The following PCDH15 variants were observed in gnomAD, a reference collection of about 807,000 sequenced individuals.
PCDH15 encodes protocadherin-15.
Under a neutral mutation model 178.5 loss-of-function variants are expected in PCDH15, and 129 were observed. The ratio of observed to expected loss-of-function variants is 0.72; its 90% CI spans 0.63 to 0.84. The LOEUF is 0.84. Ranked by LOEUF, PCDH15 falls within the 40% of genes least tolerant of loss-of-function variation. PCDH15 has a pLI of 0.00. For synonymous variants in PCDH15, 800 were observed against 732.0 expected (o/e 1.09, Z -1.50); for missense variants, 2,230 against 2,099.9 (o/e 1.06, Z -1.21).
chr10:55,512,960 C>T (rs935796896), intron 2 of PCDH15: 1 of 152,076 alleles, frequency 6.6e-6, no homozygotes, highest in African/African-American at 2.4e-5. Context: ...TTACAGCAGC[C>T]TATTACCAAG....
intron 2 of PCDH15, among the ~76,000 whole-genome samples, chr10:55,570,457 G>T (rs1842387405): frequency 6.6e-6 from 1 of 151,818 alleles, no homozygotes; most frequent in Non-Finnish European, 1.5e-5. Context: ...TTAAATTTAA[G>T]TTAGAAAGAA....
chr10:54,435,715 A>G (rs2075334742), intron 3 of PCDH15, among the ~76,000 whole-genome samples: 1 of 152,148 alleles, frequency 6.6e-6, no homozygotes, highest in Non-Finnish European at 1.5e-5. Flanking sequence ...TCACGCCTGT[A>G]ATTTCAGCAC....
intron 1 of PCDH15, among the ~76,000 whole-genome samples, chr10:54,692,691 A>ATAACTCCAAACATCCCTGATTTAG (rs1555152855): frequency 6.8e-6 from 1 of 147,266 alleles, no homozygotes; most frequent in Non-Finnish European, 1.5e-5. Flanking sequence ...TTAAAAGCGA[A>ATAACTCCAAACATCCCTGATTTAG]TAACTCCAAA....
intron 1 of PCDH15, among the ~76,000 whole-genome samples, chr10:54,752,228 G>A (rs1391753551): frequency 1.3e-5 from 2 of 151,768 alleles, no homozygotes; most frequent in East Asian, 1.9e-4. Flanking sequence ...TGTAATCCCA[G>A]CACTTTGGGA....
At chr10:54,893,099 G>C (rs1364200299) in intron 3 of PCDH15, among the ~76,000 whole-genome samples, 1 of 151,900 alleles carries the variant, frequency 6.6e-6, no homozygotes, top group East Asian at 1.9e-4. Flanking sequence ...TTAGACACTG[G>C]GGTATATTAG....
intron 1 of PCDH15, among the ~76,000 whole-genome samples, chr10:55,267,487 C>G (rs1842330354): frequency 1.3e-5 from 2 of 152,062 alleles, no homozygotes; most frequent in South Asian, 4.2e-4. Context: ...TTATAAAAAC[C>G]AATTTGTCCT....
intron 3 of PCDH15, among the ~76,000 whole-genome samples, chr10:54,472,327 A>G (rs890703669): frequency 4.6e-5 from 7 of 152,108 alleles, no homozygotes; most frequent in African/African-American, 1.4e-4. Context: ...AAACTAGACA[A>G]ATTAGTCAGT....
chr10:54,043,989 A>G (rs1405712785), intron 18 of PCDH15, among the ~76,000 whole-genome samples: 1 of 152,074 alleles, frequency 6.6e-6, no homozygotes, highest in Non-Finnish European at 1.5e-5. Flanking sequence ...ACCAATAACT[A>G]AAGTCAAGTT....
intron 13 of PCDH15, among the ~76,000 whole-genome samples, chr10:54,169,326 A>G (rs1313901228): frequency 1.2e-4 from 10 of 86,028 alleles, no homozygotes; most frequent in African/African-American, 4.9e-4. Context: ...CTTCTTAATC[A>G]ATACGGAGGC....
Position 55,446,871 on chromosome 10 carries a change from G to T in PCDH15, c.-156+180754C>A, listed in dbSNP as rs538905274. 6.8e-4 allele frequency among the ~76,000 whole-genome samples: 103 copies of T among 152,132 alleles called. 2 individuals are homozygous for T. The highest frequency in any genetic ancestry group is 6.8e-3 in the Admixed American group (103 of 15,252). ...AAGCAGCACCACTCAGCTAAGACTT[G>T]TGAAGCAATCAAACCACAGTAAGAA... On this transcript the variant is annotated intron_variant, in intron 2 of 5. Coordinates refer to the PCDH15 transcript ENST00000613346.
chr10:54,625,166 C>A (rs1590646157), intron 2 of PCDH15, among the ~76,000 whole-genome samples: 1 of 152,222 alleles, frequency 6.6e-6, no homozygotes, highest in East Asian at 1.9e-4. Flanking sequence ...TGCTAACTGG[C>A]ACTTACAGAA....
At chr10:54,539,453 C>T (rs978836799) in intron 2 of PCDH15, among the ~76,000 whole-genome samples, 2 of 152,156 alleles carry the variant, frequency 1.3e-5, no homozygotes, top group Non-Finnish European at 2.9e-5. Context: ...TATACATATG[C>T]AATATTAGAG....
intron 2 of PCDH15, among the ~76,000 whole-genome samples, chr10:55,116,991 T>G (rs758298069): frequency 6.6e-6 from 1 of 152,234 alleles, no homozygotes; most frequent in South Asian, 2.1e-4. Context: ...GTGACACTTT[T>G]GTTGTCTTCT....
Position 55,361,364 on chromosome 10 carries a change from A to G in PCDH15, c.-155-194713T>C, listed in dbSNP as rs61051333. Reference sequence around the variant, plus strand: ...AATTAAACTAATTGTATAAATAGTCAAACATACTGGAAAATCAAATCATAG... The same window carrying G: ...AATTAAACTAATTGTATAAATAGTCGAACATACTGGAAAATCAAATCATAG... On this transcript the variant is annotated intron_variant, in intron 2 of 5. Coordinates refer to the PCDH15 transcript ENST00000613346. Among the ~76,000 whole-genome samples the G allele has an allele frequency of 5.2e-3, 786 of 152,142 alleles. 10 individuals carry two copies. Among genetic ancestry groups the G allele is most frequent in the African/African-American group, 0.018 (740 of 41,552 alleles).
At chr10:54,155,676 T>A (rs1161593939) in intron 13 of PCDH15, among the ~76,000 whole-genome samples, 1 of 146,526 alleles carries the variant, frequency 6.8e-6, no homozygotes, top group African/African-American at 2.5e-5. Flanking sequence ...ACTCAAGACC[T>A]TTTTTTTTTT....
At chr10:54,563,201 T>TA (rs1291961867) in intron 2 of PCDH15, among the ~76,000 whole-genome samples, 1 of 152,182 alleles carries the variant, frequency 6.6e-6, no homozygotes, top group Non-Finnish European at 1.5e-5. Flanking sequence ...GAAAAATAAA[T>TA]ACGTCTATAT....
intron 13 of PCDH15, among the ~76,000 whole-genome samples, chr10:54,170,122 G>A (rs1036178649): frequency 8.4e-6 from 1 of 119,224 alleles, no homozygotes; most frequent in Non-Finnish European, 1.8e-5. Flanking sequence ...CTGCCACAAA[G>A]CTTCACAGGC....
At chr10:54,127,450 T>C (rs1478618551) in intron 15 of PCDH15, among the ~76,000 whole-genome samples, 1 of 152,182 alleles carries the variant, frequency 6.6e-6, no homozygotes, top group Non-Finnish European at 1.5e-5. Flanking sequence ...TTTGTAGAAG[T>C]GTTAAAGGAA....
chr10:55,094,857 A>G (rs1188882330), intron 2 of PCDH15, among the ~76,000 whole-genome samples: 1 of 151,998 alleles, frequency 6.6e-6, no homozygotes, highest in Non-Finnish European at 1.5e-5. Flanking sequence ...AGAAAACCAA[A>G]TATCTGATAA....
Sources: allele counts gnomAD v4.1 joint callset (sites outside exome capture counted in the v4.1 genomes callset), GRCh38; gene constraint gnomAD v4.1.1; transcripts MANE v1.5; gene names NCBI Gene and HGNC (gene_info 2026-07-23, HGNC 2026-07-21).